Variants in NKD1 observed in about 807,000 individuals in gnomAD.
NKD1 encodes the protein protein naked cuticle homolog 1.
NKD1 carries 21 observed loss-of-function variants against 56.0 expected under a neutral mutation model. That is an observed-to-expected ratio of 0.38 (90% CI 0.27 to 0.54). The LOEUF is 0.54. NKD1 is among the 20% of genes least tolerant of loss of function. The probability of loss-of-function intolerance (pLI) is 0.82; values close to 1 mark genes in which losing one functional copy is unlikely to be tolerated. For synonymous variants in NKD1, 263 were observed against 265.7 expected (o/e 0.99, Z 0.10); for missense variants, 578 against 642.7 (o/e 0.90, Z 1.09).
intron 4 of NKD1, among the ~76,000 whole-genome samples, chr16:50,614,487 G>C (rs1328928269): frequency 1.3e-5 from 2 of 152,100 alleles, no homozygotes; most frequent in Non-Finnish European, 2.9e-5. Context: ...TCCCCCACAG[G>C]GGGCAAGGGT....
intron 6 of NKD1, 124 bp downstream of exon 6, chr16:50,625,704 C>A (rs1962195977): frequency 1.5e-6 from 1 of 667,744 alleles, no homozygotes; most frequent in African/African-American, 1.8e-5. Context: ...AAGGCCGTAA[C>A]AGCCAGGGAG....
At chr16:50,611,572 T>C (rs1380982935) in intron 4 of NKD1, among the ~76,000 whole-genome samples, 1 of 152,140 alleles carries the variant, frequency 6.6e-6, no homozygotes, top group Non-Finnish European at 1.5e-5. Context: ...GAGTTGGTGG[T>C]TCTGCCCAGC....
intron 3 of NKD1, among the ~76,000 whole-genome samples, chr16:50,561,610 A>G (rs915528113): frequency 1.3e-5 from 2 of 152,170 alleles, no homozygotes; most frequent in Non-Finnish European, 2.9e-5. Flanking sequence ...CCTCATGAGT[A>G]GCTTGGGCTT....
rs1962386182 is a variant in NKD1, at chr16:50,633,246, C to T, written c.878C>T (p.Thr293Ile). ...CTGCCCCCCCGCACCTCCAATCCCACTCGATCTCGCTCCCATGAGCCGGAA... is the reference window on the plus strand; with the variant it reads ...CTGCCCCCCCGCACCTCCAATCCCATTCGATCTCGCTCCCATGAGCCGGAA... Reference protein sequence around the residue: ...SELPPRTSNPTRSRSHEPEAI... With the variant: ...SELPPRTSNPIRSRSHEPEAI... Residue 293 changes from threonine (T) to isoleucine (I), a missense_variant, in exon 10 of 10, where the codon ACT becomes ATT. Thr to Ile is a moderately conservative substitution (Grantham distance 89). Transcript: ENST00000268459. The surrounding 1 kb of genome is among the most constrained non-coding windows in gnomAD (Gnocchi z 4.9). The T allele has an allele frequency of 6.2e-7, 1 of 1,614,028 alleles. No individual in the cohort carries two copies. The highest frequency in any genetic ancestry group is 8.5e-7 in the Non-Finnish European group (1 of 1,179,924).
rs1358982629 is a variant in NKD1 at position 50,641,122 on chromosome 16, G to A, written c.*7341G>A. 1 of 152,324 alleles carries A rather than the reference G, an allele frequency of 6.6e-6. No individual in the cohort carries two copies. Among genetic ancestry groups the A allele is most frequent in the Non-Finnish European group, 1.5e-5 (1 of 68,114 alleles). The allele number at this position is 152,324 out of a possible 1,614,324, so 9.4% of individuals were successfully genotyped here. On this transcript the variant is annotated 3_prime_UTR_variant, in exon 10 of 10. Coordinates refer to ENST00000268459, the MANE Select transcript of NKD1 (RefSeq NM_033119.5). Reference sequence around the variant, plus strand: ...GGCTGACAGCTCTGATGTCTGGAGAGGGGGCTTCTGCAACCTCCAACACTG... The same window carrying A: ...GGCTGACAGCTCTGATGTCTGGAGAAGGGGCTTCTGCAACCTCCAACACTG...
chr16:50,608,208 C>T, intron 3 of NKD1, 86 bp from the exon 4 acceptor site: 3 of 910,536 alleles, frequency 3.3e-6, no homozygotes, highest in Non-Finnish European at 5.5e-6. Context: ...AAGAATCAGC[C>T]CAGGGTCCTC....
In NKD1 at chr16:50,621,711, A is replaced by G. The variant is rs919430370; in HGVS notation, c.366+3A>G. On this transcript the variant is annotated splice_donor_region_variant and intron_variant, in intron 5 of 9. Transcript: ENST00000268459. ...CCAAGAAGCAGCTGAAGTTTGAAGT[A>G]AGTTTCCTTTTGGTGCTGGGTCCTG... 6.2e-7 allele frequency: 1 copy of G among 1,611,536 alleles called. No homozygotes were observed. The highest frequency in any genetic ancestry group is 8.5e-7 in the Non-Finnish European group (1 of 1,178,154).
chr16:50,588,617 T>G (rs2151271163), intron 3 of NKD1, among the ~76,000 whole-genome samples: 1 of 146,990 alleles, frequency 6.8e-6, no homozygotes, highest in South Asian at 2.3e-4. Flanking sequence ...TTTTTTTTTT[T>G]TTTTTGACAG....
At chr16:50,585,530 G>A (rs1169103831) in intron 3 of NKD1, among the ~76,000 whole-genome samples, 5 of 152,330 alleles carry the variant, frequency 3.3e-5, no homozygotes, top group South Asian at 2.1e-4. Flanking sequence ...CCCGGATGCC[G>A]GGAACTGAAA....
At chr16:50,588,977 G>A (rs1045035320) in intron 3 of NKD1, among the ~76,000 whole-genome samples, 7 of 152,146 alleles carry the variant, frequency 4.6e-5, no homozygotes, top group Non-Finnish European at 7.3e-5. Context: ...CTGCCTCATG[G>A]TTGTTGTGAC....
In NKD1 at chr16:50,571,723, A is replaced by G. The variant is rs1596712856; in HGVS notation, c.192+22168A>G. 2.6e-5 allele frequency among the ~76,000 whole-genome samples: 4 copies of G among 152,182 alleles called. No homozygotes were observed. In the Middle Eastern group the frequency reaches 0.014, roughly 518 times the overall value. The stretch of plus-strand genomic sequence containing the variant: ...CATGGTCCCCATCCTCTTCTAAGCC[A>G]TCATCCTGTTGCTCCTGGAGGACTC... On this transcript the variant is annotated intron_variant, in intron 3 of 9. Transcript: ENST00000268459.
Position 50,648,447 on chromosome 16 carries a change from T to C in NKD1, c.*14666T>C, listed in dbSNP as rs866235331. 6.6e-6 allele frequency: 1 copy of C among 152,524 alleles called. No homozygotes were observed. Among genetic ancestry groups the C allele is most frequent in the South Asian group, 2.1e-4 (1 of 4,832 alleles). The allele number at this position is 152,524 out of a possible 1,614,324, so 9.4% of individuals were successfully genotyped here. On this transcript the variant is annotated 3_prime_UTR_variant, in exon 10 of 10. Transcript: ENST00000268459. The stretch of plus-strand genomic sequence containing the variant: ...AAGGGTTCTGGGGTCAGATGGATAA[T>C]TGCCATCATCCTCACCAAGTTGCCA...
intron 5 of NKD1, among the ~76,000 whole-genome samples, chr16:50,622,116 GGA>G (rs1223336531): frequency 1.3e-5 from 2 of 152,204 alleles, no homozygotes; most frequent in African/African-American, 4.8e-5. Context: ...TGGATGAACA[GGA>G]GGTACGGGCA....
At chr16:50,560,463 C>T (rs567238811) in intron 3 of NKD1, among the ~76,000 whole-genome samples, 2 of 152,256 alleles carry the variant, frequency 1.3e-5, no homozygotes, top group Admixed American at 6.5e-5. Flanking sequence ...GTTATGAGGC[C>T]GCTGTTATTA....
At chr16:50,574,907 T>G in intron 3 of NKD1, 1 of 985,470 alleles carries the variant, frequency 1.0e-6, no homozygotes, top group African/African-American at 1.7e-5. Flanking sequence ...CCTTGGAATT[T>G]ATGGAAGCCT....
intron 4 of NKD1, among the ~76,000 whole-genome samples, chr16:50,609,615 C>T (rs932377917): frequency 6.6e-6 from 1 of 152,186 alleles, no homozygotes; most frequent in African/African-American, 2.4e-5. Context: ...GGCCTGAGAG[C>T]TGTTATAAAT....
At chr16:50,572,975 AGCAG>A in intron 3 of NKD1, 2 of 629,450 alleles carry the variant, frequency 3.2e-6, no homozygotes, top group Non-Finnish European at 4.0e-6. Flanking sequence ...CCTGCTGCCT[AGCAG>A]TTGTGCAAAT....
At position 50,623,676 on chromosome 16, in the gene NKD1, C is replaced by T. The variant is rs1454401930; in HGVS notation, c.367-1809C>T. On this transcript the variant is annotated intron_variant, in intron 5 of 9. Transcript: ENST00000268459. This position sits in a 1 kb window ranked among gnomAD's most constrained non-coding sequence, Gnocchi z 4.1. The stretch of plus-strand genomic sequence containing the variant: ...GTGGGACAAGTGGCCAGTTACTCAA[C>T]TCATGTTTCTGAAGCTCAGACCCAA... Among the ~76,000 whole-genome samples the T allele has an allele frequency of 1.3e-5, 2 of 151,730 alleles. No individual in the cohort carries two copies. The highest frequency in any genetic ancestry group is 2.9e-5 in the Non-Finnish European group (2 of 67,984).
At chr16:50,582,747 G>A (rs977485672) in intron 3 of NKD1, among the ~76,000 whole-genome samples, 2 of 152,076 alleles carry the variant, frequency 1.3e-5, no homozygotes, top group East Asian at 1.9e-4. Flanking sequence ...AGTGGCGCAC[G>A]CCTGTAATCC....
Sources: allele counts gnomAD v4.1 joint callset (sites outside exome capture counted in the v4.1 genomes callset), GRCh38; gene constraint gnomAD v4.1.1; non-coding constraint Gnocchi (gnomAD v3.1); transcripts MANE v1.5; gene names NCBI Gene and HGNC (gene_info 2026-07-23, HGNC 2026-07-21).